PHF2: variants seen among roughly 807,000 people sequenced by gnomAD.
PHF2 encodes PHD finger protein 2, also known as lysine-specific demethylase PHF2.
Under a neutral mutation model 120.5 loss-of-function variants are expected in PHF2, and 27 were observed. That is an observed-to-expected ratio of 0.22 (90% CI 0.17 to 0.31). PHF2 has a LOEUF of 0.31. Ranked by LOEUF, PHF2 falls within the 10% of genes least tolerant of loss-of-function variation. PHF2 has a pLI of 1.00. For synonymous variants in PHF2, 568 were observed against 592.5 expected (o/e 0.96, Z 0.60); for missense variants, 1,024 against 1,434.8 (o/e 0.71, Z 4.63).
intron 3 of PHF2, among the ~76,000 whole-genome samples, chr9:93,639,997 G>C (rs955356848): frequency 6.6e-6 from 1 of 152,194 alleles, no homozygotes; most frequent in African/African-American, 2.4e-5. Context: ...TTCATTTGCT[G>C]TTTGGTCTTG....
chr9:93,620,886 A>G (rs1237365856), intron 1 of PHF2, among the ~76,000 whole-genome samples: 1 of 152,254 alleles, frequency 6.6e-6, no homozygotes, highest in Non-Finnish European at 1.5e-5. Context: ...ATAAATGCCC[A>G]GTGTCGGCAA....
rs1190634212 is a variant in PHF2, at chr9:93,679,175, C to T, written c.*1499C>T. On this transcript the variant is annotated 3_prime_UTR_variant, in exon 22 of 22. Coordinates refer to ENST00000359246, the MANE Select transcript of PHF2 (RefSeq NM_005392.4). ...TTTCTTATGAGCTTTGTTTATATAC[C>T]CATTACCTGGATGTTTTTGTCCACT... 6.6e-6 allele frequency: 3 copies of T among 451,786 alleles called. No homozygotes were observed. The highest frequency in any genetic ancestry group is 2.0e-5 in the African/African-American group (1 of 49,812). 28.0% of individuals were successfully genotyped at this position (451,786 alleles called of 1,614,324 possible).
chr9:93,660,449 G>A lies in PHF2; in HGVS notation c.1587G>A (p.Lys529=). The change falls in exon 12 of 22, where the codon AAG becomes AAA. Residue 529 remains lysine (K), a synonymous_variant. Coordinates refer to ENST00000359246, the MANE Select transcript of PHF2 (RefSeq NM_005392.4). ...TGAAGCTCAAAGATGGAGGCAAGAAGAAAGGGAAGAAGTCCCGGGAGTCAG... is the reference window on the plus strand; with the variant it reads ...TGAAGCTCAAAGATGGAGGCAAGAAAAAAGGGAAGAAGTCCCGGGAGTCAG... ...KTLKLKDGGK[K]KGKKSRESAS... 2.0e-6 allele frequency: 3 copies of A among 1,519,468 alleles called. No homozygotes were observed. The highest frequency in any genetic ancestry group is 2.6e-6 in the Non-Finnish European group (3 of 1,135,950). The allele number at this position is 1,519,468 out of a possible 1,614,324, so 94.1% of individuals were successfully genotyped here. A position where few individuals can be genotyped will look rare whatever the true frequency, so the allele number is the denominator to read the frequency against.
In PHF2 at chr9:93,658,177, C is replaced by T. The variant is rs41276190; in HGVS notation, c.1180C>T (p.His394Tyr). ...CAAATCTGGGAAGCAGCTGCCCCCTCATCTAGTCCAAGGAGCTAAAATTCT... is the reference window on the plus strand; with the variant it reads ...CAAATCTGGGAAGCAGCTGCCCCCTTATCTAGTCCAAGGAGCTAAAATTCT... The part of the protein sequence containing the change: ...SHKSGKQLPP[H>Y]LVQGAKILNG... The change falls in exon 10 of 22, where the codon CAT becomes TAT. Residue 394 changes from histidine to tyrosine, a missense_variant. Physicochemically the swap from His to Tyr is moderately conservative, Grantham distance 83. This residue lies in a region of PHF2 where 347 missense variants were observed against 577.4 expected (regional missense o/e 0.60). Transcript: ENST00000359246. 6.2e-7 allele frequency: 1 copy of T among 1,613,312 alleles called. No individual in the cohort carries two copies. The highest frequency in any genetic ancestry group is 8.5e-7 in the Non-Finnish European group (1 of 1,179,728).
At chr9:93,624,524 GTGA>G (rs199693416) in intron 1 of PHF2, among the ~76,000 whole-genome samples, 2,278 of 151,696 alleles carry the variant, frequency 0.015, 26 homozygotes, top group Non-Finnish European at 0.024. Context: ...GATGGTGGTG[GTGA>G]TGATGATAGT....
chr9:93,602,624 G>A (rs570918631), intron 1 of PHF2, among the ~76,000 whole-genome samples: 1 of 151,988 alleles, frequency 6.6e-6, no homozygotes, highest in South Asian at 2.1e-4. Flanking sequence ...TCCCTGTTTT[G>A]AATTTTTTTT....
intron 1 of PHF2, among the ~76,000 whole-genome samples, chr9:93,606,784 C>G (rs1269771997): frequency 6.6e-6 from 1 of 152,270 alleles, no homozygotes; most frequent in East Asian, 1.9e-4. Flanking sequence ...AACTGAAGGC[C>G]ATCTAGATTT....
intron 1 of PHF2, among the ~76,000 whole-genome samples, chr9:93,603,869 C>T (rs1587674696): frequency 6.6e-6 from 1 of 152,212 alleles, no homozygotes; most frequent in African/African-American, 2.4e-5. Context: ...TGCCCTGATA[C>T]AGTGCATTCT....
chr9:93,664,708 A>G (rs1286244001), intron 14 of PHF2, among the ~76,000 whole-genome samples: 1 of 152,144 alleles, frequency 6.6e-6, no homozygotes, highest in African/African-American at 2.4e-5. Flanking sequence ...TGGGCGTGTC[A>G]CTTGCTTTAT....
chr9:93,646,807 C>T (rs569129136), intron 4 of PHF2, among the ~76,000 whole-genome samples: 5 of 152,248 alleles, frequency 3.3e-5, no homozygotes, highest in South Asian at 4.2e-4. Context: ...AGAGGAAGAG[C>T]GAGCACCCTG....
At chr9:93,676,471 A>AC in intron 20 of PHF2, 123 bp from the exon 21 acceptor site, 1 of 1,207,334 alleles carries the variant, frequency 8.3e-7, no homozygotes, top group South Asian at 1.6e-5. Flanking sequence ...GTCAGGCCTC[A>AC]GGCCCCTGCT....
intron 3 of PHF2, among the ~76,000 whole-genome samples, chr9:93,638,408 G>A (rs552376968): frequency 6.6e-6 from 1 of 152,134 alleles, no homozygotes; most frequent in South Asian, 2.1e-4. Context: ...TGTAGTTTTA[G>A]CACATACAGT....
chr9:93,625,351 C>T (rs1388366464), intron 1 of PHF2, among the ~76,000 whole-genome samples: 1 of 151,788 alleles, frequency 6.6e-6, no homozygotes, highest in African/African-American at 2.4e-5. Flanking sequence ...ATTGTATATA[C>T]AGACTACATT....
intron 1 of PHF2, among the ~76,000 whole-genome samples, chr9:93,591,454 T>C (rs571708497): frequency 6.6e-6 from 1 of 152,132 alleles, no homozygotes; most frequent in African/African-American, 2.4e-5. Flanking sequence ...CTGCATACCA[T>C]GTGAGTAGGA....
At chr9:93,584,221 C>T (rs566977777) in intron 1 of PHF2, among the ~76,000 whole-genome samples, 1 of 152,302 alleles carries the variant, frequency 6.6e-6, no homozygotes, top group East Asian at 1.9e-4. Context: ...ACTACTGATG[C>T]ACAAAAGTTT....
chr9:93,616,270 A>G (rs909239183), intron 1 of PHF2, among the ~76,000 whole-genome samples: 1 of 152,226 alleles, frequency 6.6e-6, no homozygotes, highest in Non-Finnish European at 1.5e-5. Flanking sequence ...CTTTGTGTGC[A>G]TATGTACATT....
chr9:93,584,397 G>A (rs1454363481), intron 1 of PHF2, among the ~76,000 whole-genome samples: 1 of 152,096 alleles, frequency 6.6e-6, no homozygotes, highest in African/African-American at 2.4e-5. Flanking sequence ...TTAGGTTTTT[G>A]ATCCATCTTC....
chr9:93,670,453 G>A (rs151144354), intron 17 of PHF2, among the ~76,000 whole-genome samples: 1 of 152,356 alleles, frequency 6.6e-6, no homozygotes, highest in East Asian at 1.9e-4. Flanking sequence ...GCAGGCCCCT[G>A]ACTCAGAGTT....
At chr9:93,577,451 G>T (rs1160218531) in intron 1 of PHF2, among the ~76,000 whole-genome samples, 1 of 152,084 alleles carries the variant, frequency 6.6e-6, no homozygotes, top group Non-Finnish European at 1.5e-5. Context: ...CTCCGCCGTG[G>T]CCGGCGAGCT....
Sources: allele counts gnomAD v4.1 joint callset (sites outside exome capture counted in the v4.1 genomes callset), GRCh38; gene constraint gnomAD v4.1.1; regional missense constraint gnomAD v4.1.1; transcripts MANE v1.5; gene names NCBI Gene and HGNC (gene_info 2026-07-23, HGNC 2026-07-21).